Variants in PPM1F observed in about 807,000 individuals in gnomAD.
PPM1F encodes the protein protein phosphatase, Mg2+/Mn2+ dependent 1F, also known as protein phosphatase 1F.
Under a neutral mutation model 35.5 loss-of-function variants are expected in PPM1F, and 17 were observed. The ratio of observed to expected loss-of-function variants is 0.48; its 90% confidence interval spans 0.33 to 0.72. The LOEUF (loss-of-function observed/expected upper bound fraction) is 0.72, where lower values mean the gene tolerates loss of function less well. Ranked by LOEUF, PPM1F falls within the 30% of genes least tolerant of loss-of-function variation. The pLI is 0.02. For missense variants in PPM1F, 521 were observed against 613.0 expected (o/e 0.85, Z 1.59); for synonymous variants, 241 against 255.5 (o/e 0.94, Z 0.54).
At chr22:21,950,000 T>C (rs1009333153) in intron 1 of PPM1F, 7 of 152,260 alleles carry the variant, frequency 4.6e-5, no homozygotes, top group Non-Finnish European at 7.3e-5. Flanking sequence ...CAACAACCTC[T>C]TGTGGTTATC....
intron 5 of PPM1F, 128 bp downstream of exon 5, chr22:21,933,263 A>C: frequency 1.2e-6 from 1 of 858,930 alleles, no homozygotes; most frequent in East Asian, 2.7e-5. Context: ...AAAAAATGGC[A>C]GGACCACCGG....
chr22:21,943,567 G>C (rs564775355), intron 2 of PPM1F: 104 of 152,266 alleles, frequency 6.8e-4, no homozygotes, highest in Non-Finnish European at 1.2e-3. Flanking sequence ...GGCTGCTCTC[G>C]CATCAAAACC....
chr22:21,925,199 CA>C, intron 7 of PPM1F: 1 of 378,038 alleles, frequency 2.6e-6, no homozygotes, highest in Non-Finnish European at 4.7e-6. Context: ...CCAGCGAACC[CA>C]CTTTTTTCCC....
intron 6 of PPM1F, among the ~76,000 whole-genome samples, chr22:21,927,409 G>A (rs1025108018): frequency 2.0e-5 from 3 of 152,206 alleles, no homozygotes; most frequent in Non-Finnish European, 2.9e-5. Context: ...GGCTGTGAGC[G>A]TGGGAGGCTC....
At chr22:21,948,163 G>A (rs1178856724) in intron 1 of PPM1F, 1 of 152,070 alleles carries the variant, frequency 6.6e-6, no homozygotes, top group African/African-American at 2.4e-5. Flanking sequence ...CAGAAGGCAA[G>A]CAGGTAAAAG....
At chr22:21,938,252 G>C in intron 3 of PPM1F, 1 of 1,299,510 alleles carries the variant, frequency 7.7e-7, no homozygotes, top group South Asian at 1.2e-5. Context: ...CCCATCAGGC[G>C]GGGAGGGCCT....
chr22:21,933,558 A>T lies in PPM1F; in HGVS notation c.580T>A (p.Phe194Ile), dbSNP rs762934268. The T allele has an allele frequency of 6.2e-7, 1 of 1,612,724 alleles. No individual in the cohort carries two copies. The highest frequency in any genetic ancestry group is 8.5e-7 in the Non-Finnish European group (1 of 1,179,184). Reference sequence around the variant, plus strand: ...CCTCCGTGACCATCAAACACAGCAAAGTAGGCGCGGTTCACAGGGTCCTGG... The same window carrying T: ...CCTCCGTGACCATCAAACACAGCAATGTAGGCGCGGTTCACAGGGTCCTGG... The part of the protein sequence containing the change: ...GLSDPVNRAY[F>I]AVFDGHGGVD... Residue 194 changes from phenylalanine (F) to isoleucine (I), a missense_variant, in exon 5 of 8, where the codon TTT (phenylalanine) becomes ATT (isoleucine). By Grantham distance (21) the Phe-to-Ile change is conservative. Around this residue, in one of 3 missense-constraint regions of PPM1F, gnomAD observed 311 missense variants for 351.5 expected, o/e 0.88. Coordinates refer to ENST00000263212, the MANE Select transcript of PPM1F (RefSeq NM_014634.4).
chr22:21,933,938 G>T, intron 4 of PPM1F, 86 bp downstream of exon 4: 1 of 1,301,442 alleles, frequency 7.7e-7, no homozygotes, highest in Non-Finnish European at 1.0e-6. Flanking sequence ...CAGCCTTGGT[G>T]GGCAGCTCTT....
Position 21,923,099 on chromosome 22 carries a change from C to T in PPM1F, c.1358G>A (p.Arg453Lys). The T allele has an allele frequency of 6.2e-7, 1 of 1,601,508 alleles. No individual in the cohort carries two copies. The change falls in exon 8 of 8, where the codon AGA becomes AAA. Residue 453 changes from arginine (R) to lysine (K), a missense_variant. Physicochemically the swap from Arg to Lys is conservative, Grantham distance 26. Coordinates refer to ENST00000263212, the MANE Select transcript of PPM1F (RefSeq NM_014634.4). ...CAGGGGCCTGGAAACCACCTAGCTT[C>T]TTGGTGGAGCCTGGGTCTCAGGTTC... ...LPEPETQAPP[R>K]S
chr22:21,923,449 G>A lies in PPM1F; in HGVS notation c.1008C>T (p.Tyr336=), dbSNP rs377686957. ...AAGCTGCATCGGCCTCCCCAGACAC[G>A]TAGGGCTTCTGGAAGACATCCCCTG... is the stretch of plus-strand genomic sequence containing the variant. The part of the protein sequence containing the change: ...RAIGDVFQKP[Y]VSGEADAASR... Residue 336 remains tyrosine, a synonymous_variant, in exon 8 of 8, where the codon TAC becomes TAT. Coordinates refer to ENST00000263212, the MANE Select transcript of PPM1F (RefSeq NM_014634.4). 3.2e-5 allele frequency: 52 copies of A among 1,606,862 alleles called. No individual in the cohort carries two copies. The highest frequency in any genetic ancestry group is 6.7e-5 in the Admixed American group (4 of 59,798).
intron 7 of PPM1F, among the ~76,000 whole-genome samples, chr22:21,923,685 T>A (rs946783459): frequency 1.3e-5 from 2 of 151,970 alleles, no homozygotes; most frequent in Non-Finnish European, 2.9e-5. Context: ...TCCCCCTTTT[T>A]TTCTTTTTTC....
intron 7 of PPM1F, among the ~76,000 whole-genome samples, chr22:21,924,636 T>G (rs1440322716): frequency 6.6e-6 from 1 of 150,706 alleles, no homozygotes; most frequent in Non-Finnish European, 1.5e-5. Flanking sequence ...AGTGGCACGA[T>G]CTCCGCTTAC....
intron 1 of PPM1F, chr22:21,952,357 G>C (rs538724587): frequency 6.6e-6 from 1 of 152,238 alleles, no homozygotes; most frequent in East Asian, 1.9e-4. Flanking sequence ...TGCAGGGACT[G>C]GGGGGATATG....
chr22:21,944,127 A>G (rs1458763850), intron 2 of PPM1F: 1 of 152,166 alleles, frequency 6.6e-6, no homozygotes, highest in African/African-American at 2.4e-5. Flanking sequence ...TGCTGGGCCC[A>G]CTCTGCTCCA....
At position 21,938,494 on chromosome 22, in the gene PPM1F, C is replaced by G. The variant is rs1033323696; in HGVS notation, c.355+1038G>C. 42 of 1,096,700 alleles carry G rather than the reference C, an allele frequency of 3.8e-5. No homozygotes were observed. The South Asian group carries it at 8.2e-4, about 21-fold the overall frequency. 67.9% of individuals were successfully genotyped at this position (1,096,700 alleles called of 1,614,324 possible). On this transcript the variant is annotated intron_variant, in intron 3 of 7. Coordinates refer to ENST00000263212, the MANE Select transcript of PPM1F (RefSeq NM_014634.4). ...GGGCACCCACTGATGCTGGCGGCCT[C>G]GGGTATTCGCTTTCTCTCTCTTCTC... is the stretch of plus-strand genomic sequence containing the variant.
chr22:21,923,975 A>C (rs1275091579), intron 7 of PPM1F, among the ~76,000 whole-genome samples: 1 of 151,524 alleles, frequency 6.6e-6, no homozygotes, highest in Non-Finnish European at 1.5e-5. Flanking sequence ...GGCATGAGCC[A>C]CCACACCAGG....
intron 6 of PPM1F, among the ~76,000 whole-genome samples, chr22:21,928,462 G>A (rs2070546939): frequency 6.6e-6 from 1 of 152,218 alleles, no homozygotes; most frequent in Non-Finnish European, 1.5e-5. Context: ...CACTTCAGAA[G>A]CTTCTAGTGA....
intron 6 of PPM1F, among the ~76,000 whole-genome samples, chr22:21,928,694 T>A (rs1039866947): frequency 2.6e-5 from 4 of 152,314 alleles, no homozygotes; most frequent in African/African-American, 4.8e-5. Flanking sequence ...GCCATCCTCC[T>A]GTCTCCTGAG....
chr22:21,933,553 A>T lies in PPM1F; in HGVS notation c.585T>A (p.Ala195=). ...LSDPVNRAYF[A]VFDGHGGVDA... is the part of the protein sequence containing the mutation. Reference sequence around the variant, plus strand: ...CCACGCCTCCGTGACCATCAAACACAGCAAAGTAGGCGCGGTTCACAGGGT... The same window carrying T: ...CCACGCCTCCGTGACCATCAAACACTGCAAAGTAGGCGCGGTTCACAGGGT... Residue 195 remains alanine, a synonymous_variant, in exon 5 of 8, where the codon GCT becomes GCA. Coordinates refer to ENST00000263212, the MANE Select transcript of PPM1F (RefSeq NM_014634.4). 6.2e-7 allele frequency: 1 copy of T among 1,613,018 alleles called. No individual in the cohort carries two copies. The highest frequency in any genetic ancestry group is 8.5e-7 in the Non-Finnish European group (1 of 1,179,372).
Sources: allele counts gnomAD v4.1 joint callset (sites outside exome capture counted in the v4.1 genomes callset), GRCh38; gene constraint gnomAD v4.1.1; regional missense constraint gnomAD v4.1.1; transcripts MANE v1.5; gene names NCBI Gene and HGNC (gene_info 2026-07-23, HGNC 2026-07-21).